AMPH: variants seen among roughly 807,000 people sequenced by gnomAD.
AMPH encodes the protein amphiphysin (Stiff-Mann syndrome with breast cancer 128kD autoantigen).
AMPH carries 49 observed loss-of-function variants against 99.1 expected under a neutral mutation model. The observed-to-expected ratio is 0.49, with a 90% CI of 0.39 to 0.63. The LOEUF (loss-of-function observed/expected upper bound fraction) is 0.63. AMPH is among the 20% of genes least tolerant of loss of function. The pLI, the probability that AMPH is intolerant of heterozygous loss-of-function variation, is 0.00. For synonymous variants in AMPH, 314 were observed against 317.3 expected, an observed-to-expected ratio of 0.99 and a Z score of 0.11; for missense variants, 759 against 863.4, an observed-to-expected ratio of 0.88 and a Z score of 1.52.
At chr7:38,434,840 A>G (rs1462091198) in intron 12 of AMPH, among the ~76,000 whole-genome samples, 2 of 152,088 alleles carry the variant, frequency 1.3e-5, no homozygotes, top group Non-Finnish European at 2.9e-5. Context: ...AAGGAAGTAT[A>G]TTCAATTATA....
intron 20 of AMPH, 57 bp downstream of exon 20, chr7:38,389,747 C>A: frequency 7.6e-7 from 1 of 1,313,726 alleles, no homozygotes. Flanking sequence ...TTGTGTCCAA[C>A]AGACCCTCAG....
Position 38,431,652 on chromosome 7 carries a change from G to A in AMPH, c.1158+537C>T, listed in dbSNP as rs113256941. Reference sequence around the variant, plus strand: ...GCACTCAATGAAACAGCGAGACTCCGTCTTAAAAAAAAAAAAAAAAAAAAG... The same window carrying A: ...GCACTCAATGAAACAGCGAGACTCCATCTTAAAAAAAAAAAAAAAAAAAAG... On this transcript the variant is annotated intron_variant, in intron 13 of 20. Transcript: ENST00000356264. 3.3e-3 allele frequency among the ~76,000 whole-genome samples: 459 copies of A among 141,026 alleles called. 3 individuals are homozygous for A. Among genetic ancestry groups the A allele is most frequent in the African/African-American group, 0.011 (387 of 35,986 alleles). The allele number at this position is 141,026 out of a possible 152,430, so 92.5% of individuals were successfully genotyped here.
At chr7:38,615,384 A>G (rs17415361) in intron 1 of AMPH, among the ~76,000 whole-genome samples, 2,505 of 152,240 alleles carry the variant, frequency 0.016, 36 homozygotes, top group South Asian at 0.031. Flanking sequence ...CAAATTTTCC[A>G]TTACCCTTCA....
intron 11 of AMPH, among the ~76,000 whole-genome samples, chr7:38,449,397 TAATGACATGTA>T (rs1321329701): frequency 1.3e-5 from 2 of 152,304 alleles, no homozygotes; most frequent in East Asian, 3.9e-4. Flanking sequence ...AAAGTAGGAC[TAATGACATGTA>T]AATCACAGGA....
intron 1 of AMPH, among the ~76,000 whole-genome samples, chr7:38,584,600 G>A (rs954619264): frequency 1.3e-5 from 2 of 152,188 alleles, no homozygotes; most frequent in Non-Finnish European, 2.9e-5. Context: ...TGAACTGGTA[G>A]GTCACTCTTG....
intron 6 of AMPH, among the ~76,000 whole-genome samples, chr7:38,475,737 C>T (rs1219960938): frequency 6.6e-6 from 1 of 152,146 alleles, no homozygotes; most frequent in African/African-American, 2.4e-5. Flanking sequence ...AGGAAATTCC[C>T]AGCCTAGTGG....
intron 11 of AMPH, among the ~76,000 whole-genome samples, chr7:38,449,487 C>A (rs763789510): frequency 1.3e-5 from 2 of 152,216 alleles, no homozygotes; most frequent in Non-Finnish European, 2.9e-5. Flanking sequence ...GTTCTGTAGA[C>A]AGAAAAAGCC....
intron 1 of AMPH, among the ~76,000 whole-genome samples, chr7:38,607,944 T>A (rs1343295164): frequency 6.6e-6 from 1 of 152,242 alleles, no homozygotes; most frequent in Non-Finnish European, 1.5e-5. Context: ...TCAGTGATTT[T>A]CTTTTTCTTT....
intron 2 of AMPH, among the ~76,000 whole-genome samples, chr7:38,503,912 A>G (rs1789237576): frequency 6.6e-6 from 1 of 152,234 alleles, no homozygotes; most frequent in Admixed American, 6.5e-5. Flanking sequence ...CAAAAGGAGA[A>G]GGCAAGATTT....
chr7:38,476,787 T>C, intron 6 of AMPH, 75 bp downstream of exon 6: 1 of 1,077,380 alleles, frequency 9.3e-7, no homozygotes, highest in Non-Finnish European at 1.4e-6. Flanking sequence ...AGAGGAGGCA[T>C]TTAATTTTAA....
chr7:38,529,871 T>A (rs1420167349), intron 2 of AMPH, among the ~76,000 whole-genome samples: 1 of 152,230 alleles, frequency 6.6e-6, no homozygotes, highest in African/African-American at 2.4e-5. Flanking sequence ...TGAAGGTAAG[T>A]ATAATTTATC....
chr7:38,444,758 G>C (rs1454913629), intron 11 of AMPH, among the ~76,000 whole-genome samples: 2 of 149,642 alleles, frequency 1.3e-5, no homozygotes, highest in Non-Finnish European at 2.9e-5. Flanking sequence ...AGCAGCCCAG[G>C]AAATAATACA....
chr7:38,407,149 G>C (rs1785060170), intron 17 of AMPH, among the ~76,000 whole-genome samples: 1 of 131,586 alleles, frequency 7.6e-6, no homozygotes, highest in Non-Finnish European at 1.6e-5. Context: ...TAGCTATAGA[G>C]ATATATCTAT....
chr7:38,535,050 T>G, intron 1 of AMPH, 39 bp from the exon 2 acceptor site: 1 of 1,567,088 alleles, frequency 6.4e-7, no homozygotes, highest in Non-Finnish European at 8.8e-7. Flanking sequence ...AATTTAATAA[T>G]GTTTTCAAAG....
intron 5 of AMPH, among the ~76,000 whole-genome samples, chr7:38,480,069 C>A (rs935361227): frequency 6.7e-6 from 1 of 149,434 alleles, no homozygotes; most frequent in East Asian, 2.0e-4. Context: ...AAAAAAAAAA[C>A]ACAATAATAT....
chr7:38,610,260 A>AGAAAGAAAGAAGG (rs371428543), intron 1 of AMPH, among the ~76,000 whole-genome samples: 1 of 11,112 alleles, frequency 9.0e-5, no homozygotes. Context: ...AAAAAAAAAA[A>AGAAAGAAAGAAGG]AAAGAAAGAA....
chr7:38,610,266 AAGAAAGAAAGAAAGAAAGAAAGAAAG>A, intron 1 of AMPH, among the ~76,000 whole-genome samples: 1 of 29,380 alleles, frequency 3.4e-5, no homozygotes, highest in Admixed American at 4.0e-4. Flanking sequence ...AAAAAAAAGA[AAGAAAGAAAGAAAGAAAGAAAGAAAG>A]AAAGAAAAGA....
At chr7:38,396,223 G>C (rs969003830) in intron 17 of AMPH, among the ~76,000 whole-genome samples, 7 of 152,316 alleles carry the variant, frequency 4.6e-5, no homozygotes, top group Non-Finnish European at 5.9e-5. Context: ...CCCATGTGTT[G>C]TGGGAGGGAC....
At chr7:38,493,133 A>T (rs563038332) in intron 4 of AMPH, among the ~76,000 whole-genome samples, 5 of 152,296 alleles carry the variant, frequency 3.3e-5, no homozygotes, top group African/African-American at 1.2e-4. Flanking sequence ...AGGGTGTCAG[A>T]ATATCCATGG....
Sources: allele counts gnomAD v4.1 joint callset (sites outside exome capture counted in the v4.1 genomes callset), GRCh38; gene constraint gnomAD v4.1.1; transcripts MANE v1.5; gene names NCBI Gene and HGNC (gene_info 2026-07-23, HGNC 2026-07-21).